ACADM: variants seen among roughly 807,000 people sequenced by gnomAD.
The protein encoded by ACADM is acyl-CoA dehydrogenase medium chain, also known as medium-chain specific acyl-CoA dehydrogenase, mitochondrial.
In ACADM, 49 loss-of-function variants were observed where a neutral mutation model predicts 58.9. The ratio of observed to expected loss-of-function variants is 0.83; its 90% CI spans 0.66 to 1.06. The LOEUF (loss-of-function observed/expected upper bound fraction) is 1.06. ACADM is among the 50% of genes least tolerant of loss of function. The pLI, the probability that ACADM is intolerant of heterozygous loss-of-function variation, is 0.00. For synonymous variants in ACADM, 160 were observed against 157.7 expected (o/e 1.01, Z -0.11); for missense variants, 496 against 507.0 (o/e 0.98, Z 0.21).
At chr1:75,744,512 AC>A in intron 7 of ACADM, 2 of 1,527,390 alleles carry the variant, frequency 1.3e-6, no homozygotes, top group Non-Finnish European at 1.8e-6. Context: ...GCTTTCTCCC[AC>A]CTGACATCTC....
chr1:75,739,913 G>A, intron 6 of ACADM, 67 bp from the exon 7 acceptor site: 1 of 1,206,650 alleles, frequency 8.3e-7, no homozygotes, highest in South Asian at 1.5e-5. Context: ...AAACAATCCT[G>A]TTTCCAAACA....
At chr1:75,724,977 C>T (rs1647026093) in intron 1 of ACADM, among the ~76,000 whole-genome samples, 160 bp downstream of exon 1, 1 of 152,174 alleles carries the variant, frequency 6.6e-6, no homozygotes, top group Non-Finnish European at 1.5e-5. Flanking sequence ...ACGCCTCCTA[C>T]CACCGGACGG....
At chr1:75,733,098 G>T (rs751312329) in intron 4 of ACADM, 176 bp downstream of exon 4, 2 of 1,612,818 alleles carry the variant, frequency 1.2e-6, no homozygotes, top group Non-Finnish European at 1.7e-6. Context: ...ATACCTAGAT[G>T]CGTTTTTCCT....
chr1:75,734,466 C>T (rs974491136), intron 5 of ACADM, among the ~76,000 whole-genome samples: 2 of 152,040 alleles, frequency 1.3e-5, no homozygotes, highest in East Asian at 3.9e-4. Flanking sequence ...TGAGCCACTG[C>T]GCCCGGCCTA....
chr1:75,749,129 C>T (rs537021762), intron 8 of ACADM, among the ~76,000 whole-genome samples: 9 of 152,246 alleles, frequency 5.9e-5, no homozygotes, highest in Middle Eastern at 6.8e-3. Context: ...TTATGGTTGG[C>T]AAATTTTTTT....
rs35897798 is a variant in ACADM, at chr1:75,749,712, CTT to C, written c.849+171_849+172del. ...AGGAAAAATACTGTTACTTTTCTTT[CTT>C]TTTTTTTTTTTTTTTTTGAGACAGA... On this transcript the variant is annotated intron_variant, in intron 9 of 11. Coordinates refer to ENST00000370841, the MANE Select transcript of ACADM (RefSeq NM_000016.6). Among the ~76,000 whole-genome samples the C allele has an allele frequency of 6.8e-3, 807 of 118,086 alleles. 9 individuals are homozygous for C. Among genetic ancestry groups the C allele is most frequent in the African/African-American group, 0.024 (712 of 29,370 alleles). The allele number at this position is 118,086 out of a possible 152,430, so 77.5% of individuals were successfully genotyped here. A position where few individuals can be genotyped will look rare whatever the true frequency, so the allele number is the denominator to read the frequency against.
intron 10 of ACADM, among the ~76,000 whole-genome samples, chr1:75,751,081 C>T (rs993383348): frequency 1.8e-4 from 27 of 150,434 alleles, no homozygotes; most frequent in African/African-American, 6.3e-4. Context: ...GTGGATCACG[C>T]CTGTAATCCC....
intron 10 of ACADM, among the ~76,000 whole-genome samples, chr1:75,758,522 G>A (rs1648635832): frequency 6.6e-6 from 1 of 152,224 alleles, no homozygotes. Context: ...GGTGAAGCCA[G>A]CTGGACTTCC....
chr1:75,745,390 G>A (rs922046621), intron 7 of ACADM: 3 of 182,216 alleles, frequency 1.6e-5, no homozygotes, highest in Non-Finnish European at 2.3e-5. Context: ...CTCAGAAGAG[G>A]TGGAAGGATG....
intron 2 of ACADM, among the ~76,000 whole-genome samples, chr1:75,729,356 T>C (rs1303169): frequency 0.36 from 51,668 of 142,336 alleles, 10,567 homozygotes; most frequent in African/African-American, 0.53. Context: ...AGGCCGATCT[T>C]GAACTCCTAG....
chr1:75,734,308 C>T (rs1218919824), intron 5 of ACADM, among the ~76,000 whole-genome samples: 5 of 150,462 alleles, frequency 3.3e-5, no homozygotes, highest in Admixed American at 1.3e-4. Flanking sequence ...GGACTACAGG[C>T]GCCCGCCACC....
chr1:75,733,340 T>A (rs1406606876), intron 4 of ACADM, 188 bp from the exon 5 acceptor site: 3 of 1,072,616 alleles, frequency 2.8e-6, no homozygotes, highest in Non-Finnish European at 3.9e-6. Flanking sequence ...AATAATTTTT[T>A]GAAAATTTTA....
Position 75,733,719 on chromosome 1 carries a change from A to AG in ACADM, c.387+93dup. 4 of 1,096,264 alleles carry AG rather than the reference A, an allele frequency of 3.6e-6. No homozygotes were observed. In the South Asian group the frequency reaches 3.8e-5, roughly 10 times the overall value. The allele number at this position is 1,096,264 out of a possible 1,614,324, so 67.9% of individuals were successfully genotyped here. A position where few individuals can be genotyped will look rare whatever the true frequency, so the allele number is the denominator to read the frequency against. ...AGTTGGATTTTTAGAAGAAAAAAAAAGGAAAGTCAGTTACTACTAGGTAAG... is the reference window on the plus strand; with the variant it reads ...AGTTGGATTTTTAGAAGAAAAAAAAAGGGAAAGTCAGTTACTACTAGGTAAG... On this transcript the variant is annotated intron_variant, in intron 5 of 11. Transcript: ENST00000370841.
intron 10 of ACADM, 55 bp from the exon 11 acceptor site, chr1:75,761,067 A>G: frequency 6.5e-7 from 1 of 1,547,226 alleles, no homozygotes; most frequent in South Asian, 1.2e-5. Flanking sequence ...CCCCAGGAAA[A>G]AACTTTTAAG....
At chr1:75,728,148 C>G (rs1442099574) in intron 1 of ACADM, among the ~76,000 whole-genome samples, 1 of 152,098 alleles carries the variant, frequency 6.6e-6, no homozygotes, top group Non-Finnish European at 1.5e-5. Flanking sequence ...GTCCTAAACC[C>G]TCCACTTCAG....
intron 10 of ACADM, among the ~76,000 whole-genome samples, chr1:75,760,757 T>G (rs761793261): frequency 6.6e-5 from 10 of 152,232 alleles, no homozygotes; most frequent in Non-Finnish European, 1.0e-4. Flanking sequence ...GTAGAAAACT[T>G]GACCAGATTT....
intron 7 of ACADM, 104 bp downstream of exon 7, chr1:75,740,214 T>C: frequency 1.6e-6 from 2 of 1,227,082 alleles, no homozygotes; most frequent in Non-Finnish European, 2.3e-6. Context: ...AAGGTATGTT[T>C]GTGGAACTGG....
At chr1:75,761,574 T>C in intron 11 of ACADM, 1 of 609,834 alleles carries the variant, frequency 1.6e-6, no homozygotes, top group Non-Finnish European at 2.9e-6. Context: ...GAGAATAGGC[T>C]AAAAAAAATG....
chr1:75,761,336 TA>T lies in ACADM; in HGVS notation c.1161del (p.Glu388LysfsTer3), dbSNP rs748826784. ...GGNGFNTEYPVEKLMRDAKIY... is the reference protein window; with the variant it reads ...GGNGFNTEYPXEKLMRDAKIY... ...AATGGATTTAATACAGAATATCCTG[TA>T]GAAAAACTAATGAGGGATGCCAAAA... is the stretch of plus-strand genomic sequence containing the variant. On this transcript the variant is annotated frameshift_variant, in exon 11 of 12. Transcript: ENST00000370841. LOFTEE classifies it high-confidence loss of function. The T allele has an allele frequency of 6.2e-7, 1 of 1,614,028 alleles. No homozygotes were observed. The highest frequency in any genetic ancestry group is 8.5e-7 in the Non-Finnish European group (1 of 1,179,938).
Sources: allele counts gnomAD v4.1 joint callset (sites outside exome capture counted in the v4.1 genomes callset), GRCh38; gene constraint gnomAD v4.1.1; transcripts MANE v1.5; gene names NCBI Gene and HGNC (gene_info 2026-07-23, HGNC 2026-07-21).